Variants in RGS6 observed in about 807,000 individuals in gnomAD.
RGS6 encodes regulator of G protein signaling 6, also known as regulator of G-protein signaling 6.
A neutral mutation model predicts 78.5 loss-of-function variants in RGS6; 30 were observed. The observed-to-expected ratio is 0.38, with a 90% CI of 0.29 to 0.52. The LOEUF (loss-of-function observed/expected upper bound fraction) is 0.52. RGS6 is among the 20% of genes least tolerant of loss of function. The pLI is 0.85. For missense variants in RGS6, 495 were observed against 609.7 expected (o/e 0.81, Z 1.98); for synonymous variants, 206 against 206.0 (o/e 1.00, Z 0.00).
intron 2 of RGS6, among the ~76,000 whole-genome samples, chr14:72,122,092 C>T (rs545356192): frequency 1.3e-5 from 2 of 152,260 alleles, no homozygotes; most frequent in Non-Finnish European, 2.9e-5. Flanking sequence ...CTAGATTATA[C>T]TTTATTGTAT....
chr14:72,108,460 G>A (rs1480317871), intron 2 of RGS6, among the ~76,000 whole-genome samples: 1 of 151,776 alleles, frequency 6.6e-6, no homozygotes, highest in Non-Finnish European at 1.5e-5. Context: ...TCTTAGGACA[G>A]TTTTTCTTGA....
chr14:72,493,513 T>C (rs1332491018), intron 12 of RGS6, among the ~76,000 whole-genome samples: 22 of 151,154 alleles, frequency 1.5e-4, no homozygotes, highest in Admixed American at 1.5e-3. Flanking sequence ...AAAAAAAATA[T>C]AGGACAAGCA....
At chr14:72,043,557 T>C (rs1361227035) in intron 2 of RGS6, among the ~76,000 whole-genome samples, 1 of 152,180 alleles carries the variant, frequency 6.6e-6, no homozygotes. Context: ...ATTAAATATT[T>C]TTCTCCATTC....
intron 3 of RGS6, among the ~76,000 whole-genome samples, chr14:72,356,746 T>C (rs2681761): frequency 0.59 from 89,459 of 152,108 alleles, 28,397 homozygotes; most frequent in African/African-American, 0.84. Context: ...AAGGGGCTTT[T>C]CCCTGTCTTT....
Position 72,045,077 on chromosome 14 carries a change from C to G in RGS6, c.84+80202C>G, listed in dbSNP as rs1197619454. Among the ~76,000 whole-genome samples the G allele has an allele frequency of 2.0e-5, 3 of 152,296 alleles. No homozygotes were observed. In the East Asian group the frequency reaches 5.8e-4, roughly 29 times the overall value. On this transcript the variant is annotated intron_variant, in intron 2 of 17. Transcript: ENST00000553525. ...CCAGCTTCCCTGGTTCTCCAGCTTGCAGATGGCGTACTATGGGACTTCCCA... is the reference window on the plus strand; with the variant it reads ...CCAGCTTCCCTGGTTCTCCAGCTTGGAGATGGCGTACTATGGGACTTCCCA...
At chr14:72,079,243 G>T (rs2094714716) in intron 2 of RGS6, among the ~76,000 whole-genome samples, 1 of 151,734 alleles carries the variant, frequency 6.6e-6, no homozygotes, top group South Asian at 2.1e-4. Flanking sequence ...TTACTTTTAA[G>T]ATATTATTAA....
intron 2 of RGS6, among the ~76,000 whole-genome samples, chr14:72,250,090 C>T (rs847243): frequency 0.9 from 104,434 of 116,446 alleles, 46,809 homozygotes; most frequent in Middle Eastern, 0.93. Flanking sequence ...GGGACTGTTG[C>T]GGGGTGGGGG....
At chr14:72,486,781 G>A (rs1372404302) in intron 12 of RGS6, among the ~76,000 whole-genome samples, 1 of 152,076 alleles carries the variant, frequency 6.6e-6, no homozygotes, top group Non-Finnish European at 1.5e-5. Flanking sequence ...TAGCTACCAG[G>A]CATAAGGCAC....
At chr14:72,304,343 T>C (rs2066757366) in intron 2 of RGS6, among the ~76,000 whole-genome samples, 1 of 152,220 alleles carries the variant, frequency 6.6e-6, no homozygotes, top group Non-Finnish European at 1.5e-5. Flanking sequence ...AACTAGTCCA[T>C]ATTACCACAT....
intron 2 of RGS6, among the ~76,000 whole-genome samples, chr14:72,282,595 T>C (rs2061763984): frequency 6.6e-6 from 1 of 152,206 alleles, no homozygotes; most frequent in African/African-American, 2.4e-5. Flanking sequence ...AGAAAAAGTT[T>C]TAACAGCTTT....
chr14:72,598,658 C>A, the RGS6 span, among the ~76,000 whole-genome samples: 3 of 152,192 alleles, frequency 2.0e-5, no homozygotes, highest in Non-Finnish European at 4.4e-5. Flanking sequence ...CATCCCAACA[C>A]CCAAGGGCTG....
the RGS6 span, among the ~76,000 whole-genome samples, chr14:71,917,630 G>A: frequency 6.6e-6 from 1 of 152,040 alleles, no homozygotes; most frequent in Non-Finnish European, 1.5e-5. Context: ...TGTCAGTCTT[G>A]ACTGCTTTTT....
At chr14:72,499,270 C>T (rs569406397) in intron 13 of RGS6, among the ~76,000 whole-genome samples, 16 of 152,312 alleles carry the variant, frequency 1.1e-4, no homozygotes, top group African/African-American at 3.8e-4. Flanking sequence ...TGTGTGTGTG[C>T]TGTGCTGGCA....
At chr14:71,912,609 C>T in the RGS6 span, among the ~76,000 whole-genome samples, 3 of 152,068 alleles carry the variant, frequency 2.0e-5, no homozygotes, top group Non-Finnish European at 4.4e-5. Context: ...CAACTACAAC[C>T]GGGAAATTTC....
chr14:72,156,867 C>T (rs1424423739), intron 2 of RGS6, among the ~76,000 whole-genome samples: 1 of 152,164 alleles, frequency 6.6e-6, no homozygotes, highest in Non-Finnish European at 1.5e-5. Context: ...TGGTTGGCTT[C>T]TCCCGGCTTA....
At chr14:72,244,715 C>G (rs915106626) in intron 2 of RGS6, among the ~76,000 whole-genome samples, 1 of 152,224 alleles carries the variant, frequency 6.6e-6, no homozygotes, top group Non-Finnish European at 1.5e-5. Flanking sequence ...CTCCCATTCC[C>G]AGGTCTTTGA....
At chr14:71,884,930 A>AT in the RGS6 span, among the ~76,000 whole-genome samples, 8 of 152,068 alleles carry the variant, frequency 5.3e-5, no homozygotes, top group Admixed American at 3.3e-4. Context: ...ACCTCCTTAA[A>AT]TTTTTTGCCT....
At chr14:72,239,965 C>T (rs1268598281) in intron 2 of RGS6, among the ~76,000 whole-genome samples, 2 of 152,202 alleles carry the variant, frequency 1.3e-5, no homozygotes, top group Non-Finnish European at 2.9e-5. Flanking sequence ...TGTCTTGGTA[C>T]TTCCTGCTTA....
At chr14:72,424,976 G>A (rs573620916) in intron 3 of RGS6, among the ~76,000 whole-genome samples, 4 of 152,276 alleles carry the variant, frequency 2.6e-5, no homozygotes, top group South Asian at 4.1e-4. Flanking sequence ...TGCTGAGAAC[G>A]GTGCCTGACA....
Sources: gnomAD v4.1 joint callset for allele counts (sites outside exome capture counted in the v4.1 genomes callset) on GRCh38, gnomAD v4.1.1 for gene constraint, MANE v1.5 for transcripts, NCBI Gene and HGNC (gene_info 2026-07-23, HGNC 2026-07-21) for gene names.